Variants in FASTKD1 observed in about 807,000 individuals in gnomAD.
The protein encoded by FASTKD1 is FAST kinase domains 1, also known as FAST kinase domain-containing protein 1, mitochondrial.
In FASTKD1, 94 loss-of-function variants were observed where a neutral mutation model predicts 90.9. That is an observed-to-expected ratio of 1.03 (90% CI 0.88 to 1.23). The LOEUF (loss-of-function observed/expected upper bound fraction) is 1.23, where lower values mean the gene tolerates loss of function less well. Among genes scored for constraint, FASTKD1 ranks in the 50% most tolerant of loss-of-function variants. FASTKD1 has a pLI of 0.00. For missense variants in FASTKD1, 945 were observed against 993.5 expected (o/e 0.95, Z 0.66); for synonymous variants, 319 against 345.8 (o/e 0.92, Z 0.86).
chr2:169,545,954 G>C (rs1685171809), intron 8 of FASTKD1, among the ~76,000 whole-genome samples: 1 of 152,128 alleles, frequency 6.6e-6, no homozygotes, highest in Non-Finnish European at 1.5e-5. Context: ...TTTCTTAAGA[G>C]ACAGGGTCTC....
intron 3 of FASTKD1, among the ~76,000 whole-genome samples, chr2:169,565,249 CTTTTTTTTTT>C (rs71003101): frequency 1.7e-3 from 44 of 26,534 alleles, no homozygotes; most frequent in African/African-American, 5.0e-3. Flanking sequence ...CCACACCAGG[CTTTTTTTTTT>C]TTTTTTTTTT....
At chr2:169,563,725 G>A (rs925891736) in intron 3 of FASTKD1, among the ~76,000 whole-genome samples, 1 of 152,008 alleles carries the variant, frequency 6.6e-6, no homozygotes, top group African/African-American at 2.4e-5. Context: ...AGAGGAAAAA[G>A]GAACTGTTAT....
At chr2:169,561,877 A>G (rs966708627) in intron 4 of FASTKD1, among the ~76,000 whole-genome samples, 2 of 142,878 alleles carry the variant, frequency 1.4e-5, no homozygotes, top group African/African-American at 5.0e-5. Context: ...TTATTTATTA[A>G]TTTATTGTAA....
At chr2:169,551,296 G>T (rs1685478936) in intron 7 of FASTKD1, among the ~76,000 whole-genome samples, 1 of 152,182 alleles carries the variant, frequency 6.6e-6, no homozygotes, top group African/African-American at 2.4e-5. Flanking sequence ...ACACAGAAAT[G>T]AATATGTATG....
At position 169,546,386 on chromosome 2, in the gene FASTKD1, C is replaced by T. The variant is rs200293229; in HGVS notation, c.1533G>A (p.Thr511=). ...RKELKSLKGN[T]FPESLLEEMI... ...TTTCTTCAAGAAGTGACTCAGGAAA[C>T]GTGTTTCCTTTGAGAGATTTAAGTT... Residue 511 remains threonine, a synonymous_variant, in exon 8 of 15, where the codon ACG becomes ACA. Coordinates refer to ENST00000453153, the MANE Select transcript of FASTKD1 (RefSeq NM_024622.6). 8.2e-5 allele frequency: 132 copies of T among 1,613,916 alleles called. No individual in the cohort carries two copies. The highest frequency in any genetic ancestry group is 1.0e-4 in the Non-Finnish European group (121 of 1,180,000).
chr2:169,542,318 T>A (rs937825009), intron 9 of FASTKD1, among the ~76,000 whole-genome samples: 2 of 152,196 alleles, frequency 1.3e-5, no homozygotes, highest in African/African-American at 4.8e-5. Flanking sequence ...TACTGAGCAT[T>A]TCTCCTCTAA....
chr2:169,555,007 C>T (rs1429905912), intron 7 of FASTKD1, 117 bp downstream of exon 7: 1 of 896,134 alleles, frequency 1.1e-6, no homozygotes, highest in Non-Finnish European at 1.7e-6. Flanking sequence ...AACATTTTTA[C>T]TAATAAGCTT....
chr2:169,564,438 T>A (rs939051865), intron 3 of FASTKD1, among the ~76,000 whole-genome samples: 2 of 151,996 alleles, frequency 1.3e-5, no homozygotes, highest in East Asian at 1.9e-4. Flanking sequence ...AAAAAAAATT[T>A]TTTTTGTGGG....
chr2:169,563,235 G>C lies in FASTKD1; in HGVS notation c.562C>G (p.Gln188Glu). The C allele has an allele frequency of 2.5e-6, 4 of 1,610,602 alleles. No homozygotes were observed. The highest frequency in any genetic ancestry group is 2.5e-6 in the Non-Finnish European group (3 of 1,179,190). Reference sequence around the variant, plus strand: ...CCTAAATAAATTTACCTTAAGTCCTGTGTGGTTTCCAAGTTCCTATGAACA... The same window carrying C: ...CCTAAATAAATTTACCTTAAGTCCTCTGTGGTTTCCAAGTTCCTATGAACA... Reference protein sequence around the residue: ...DIVHRNLETTQDLSSLSVLMV... With the variant: ...DIVHRNLETTEDLSSLSVLMV... Residue 188 changes from glutamine to glutamate, a missense_variant, in exon 4 of 15, where the codon CAG (glutamine) becomes GAG (glutamate). Gln to Glu is a conservative substitution (Grantham distance 29). Transcript: ENST00000453153.
Position 169,571,794 on chromosome 2 carries a change from T to C in FASTKD1, c.236A>G (p.Gln79Arg). ...GCAFDMLWKLQKQKTSLLKNA... is the reference protein window; with the variant it reads ...GCAFDMLWKLRKQKTSLLKNA... ...TTTTAACAGGCTGGTCTTCTGCTTT[T>C]GAAGCTTCCAAAGCATATCAAATGC... The change falls in exon 2 of 15, where the codon CAA (glutamine) becomes CGA (arginine). Residue 79 changes from glutamine to arginine, a missense_variant. Transcript: ENST00000453153. 6.2e-7 allele frequency: 1 copy of C among 1,614,126 alleles called. No homozygotes were observed. Among genetic ancestry groups the C allele is most frequent in the Non-Finnish European group, 8.5e-7 (1 of 1,179,998 alleles).
chr2:169,569,998 C>A (rs1553540054), intron 2 of FASTKD1, among the ~76,000 whole-genome samples: 1 of 152,034 alleles, frequency 6.6e-6, no homozygotes, highest in Non-Finnish European at 1.5e-5. Flanking sequence ...GAAAGGCCAC[C>A]AAAAAACATG....
chr2:169,555,034 T>A (rs1683232280), intron 7 of FASTKD1, 90 bp downstream of exon 7: 1 of 1,266,672 alleles, frequency 7.9e-7, no homozygotes, highest in Admixed American at 2.6e-5. Context: ...TTTGCCTCCA[T>A]AACTTCTAGC....
At chr2:169,564,901 ATTTT>A (rs969137401) in intron 3 of FASTKD1, among the ~76,000 whole-genome samples, 1 of 145,614 alleles carries the variant, frequency 6.9e-6, no homozygotes, top group African/African-American at 2.6e-5. Flanking sequence ...ACAGGATATC[ATTTT>A]TTTTACGGCT....
chr2:169,547,071 C>T (rs918022531), intron 7 of FASTKD1, among the ~76,000 whole-genome samples: 2 of 152,198 alleles, frequency 1.3e-5, no homozygotes, highest in Non-Finnish European at 2.9e-5. Flanking sequence ...TCTGAGCAAC[C>T]GGCTTCAAGT....
chr2:169,568,386 C>G (rs1684080184), intron 3 of FASTKD1, among the ~76,000 whole-genome samples: 1 of 152,028 alleles, frequency 6.6e-6, no homozygotes, highest in Non-Finnish European at 1.5e-5. Flanking sequence ...AAGGCTAGTT[C>G]ATGAATAGCT....
At chr2:169,553,134 G>A (rs1440659846) in intron 7 of FASTKD1, among the ~76,000 whole-genome samples, 1 of 151,988 alleles carries the variant, frequency 6.6e-6, no homozygotes, top group African/African-American at 2.4e-5. Flanking sequence ...GAACCTGGGA[G>A]GCGGAGGTTG....
At chr2:169,564,957 T>C (rs1232000381) in intron 3 of FASTKD1, among the ~76,000 whole-genome samples, 36 of 149,908 alleles carry the variant, frequency 2.4e-4, no homozygotes, top group East Asian at 7.8e-4. Context: ...TTTTTCTTTT[T>C]TTTTTTTTTT....
Position 169,571,853 on chromosome 2 carries a change from G to A in FASTKD1, c.177C>T (p.Asn59=). The A allele has an allele frequency of 6.2e-7, 1 of 1,613,774 alleles. No individual in the cohort carries two copies. The highest frequency in any genetic ancestry group is 2.2e-5 in the East Asian group (1 of 44,850). ...CTTGCTTTTCTGAAAGTATGGCTTT[G>A]TTTCTTTCAATAAAACCAAACATTT... The part of the protein sequence containing the change: ...EEQMFGFIER[N]KAILSEKQVG... The change falls in exon 2 of 15, where the codon AAC becomes AAT. Residue 59 remains asparagine (N), a synonymous_variant. Coordinates refer to ENST00000453153, the MANE Select transcript of FASTKD1 (RefSeq NM_024622.6).
chr2:169,531,290 G>A (rs756272264), intron 13 of FASTKD1, 62 bp downstream of exon 13: 1 of 1,516,428 alleles, frequency 6.6e-7, no homozygotes, highest in Admixed American at 1.7e-5. Context: ...ACTGACTTCA[G>A]TATAGTACAC....
Sources: allele counts gnomAD v4.1 joint callset (sites outside exome capture counted in the v4.1 genomes callset), GRCh38; gene constraint gnomAD v4.1.1; transcripts MANE v1.5; gene names NCBI Gene and HGNC (gene_info 2026-07-23, HGNC 2026-07-21).